The following CCDC7 variants were observed in gnomAD, a reference collection of about 807,000 sequenced individuals.
CCDC7 encodes coiled-coil domain-containing protein 7.
CCDC7 carries 183 observed loss-of-function variants against 196.9 expected under a neutral mutation model. That is an observed-to-expected ratio of 0.93 (90% CI 0.82 to 1.05). CCDC7 has a LOEUF of 1.05. Among genes scored for constraint, CCDC7 ranks in the 50% least tolerant of loss-of-function variants. CCDC7 has a pLI of 0.00. For synonymous variants in CCDC7, 525 were observed against 484.6 expected, an observed-to-expected ratio of 1.08 and a Z score of -1.10; for missense variants, 1,540 against 1,482.2, an observed-to-expected ratio of 1.04 and a Z score of -0.64.
chr10:32,699,574 T>A (rs2078302534), intron 24 of CCDC7, among the ~76,000 whole-genome samples: 1 of 149,218 alleles, frequency 6.7e-6, no homozygotes, highest in African/African-American at 2.6e-5. Context: ...TACCCAGTAA[T>A]GGGAGTGCTG....
intron 18 of CCDC7, among the ~76,000 whole-genome samples, chr10:32,601,224 C>T (rs958622082): frequency 6.6e-6 from 1 of 152,096 alleles, no homozygotes; most frequent in African/African-American, 2.4e-5. Flanking sequence ...AGGCATGTGC[C>T]ACCACACTTG....
intron 21 of CCDC7, among the ~76,000 whole-genome samples, chr10:32,672,539 C>G (rs541488295): frequency 6.6e-6 from 1 of 152,262 alleles, no homozygotes; most frequent in East Asian, 1.9e-4. Flanking sequence ...AGTGGCTTAA[C>G]AGTGCTGATT....
intron 25 of CCDC7, among the ~76,000 whole-genome samples, chr10:32,720,908 A>G (rs2082313199): frequency 6.6e-6 from 1 of 152,138 alleles, no homozygotes; most frequent in Admixed American, 6.6e-5. Flanking sequence ...CCTGGGCAAC[A>G]TGGCAAAACC....
At chr10:32,631,106 A>G (rs902997603) in intron 18 of CCDC7, among the ~76,000 whole-genome samples, 1 of 152,208 alleles carries the variant, frequency 6.6e-6, no homozygotes, top group Admixed American at 6.5e-5. Context: ...ATGTGAGTGA[A>G]TGATGAAACC....
At chr10:32,783,654 G>C (rs1172013433) in intron 29 of CCDC7, among the ~76,000 whole-genome samples, 1 of 152,190 alleles carries the variant, frequency 6.6e-6, no homozygotes, top group Non-Finnish European at 1.5e-5. Flanking sequence ...TCAAGGTGTA[G>C]GTGTAGACCC....
intron 18 of CCDC7, among the ~76,000 whole-genome samples, chr10:32,605,535 A>C (rs184965099): frequency 4.9e-4 from 75 of 152,358 alleles, no homozygotes; most frequent in African/African-American, 1.6e-3. Flanking sequence ...TGGACAGTGA[A>C]GTCCAGGCTG....
Position 32,583,322 on chromosome 10 carries a change from G to A in CCDC7, c.1728+15G>A, listed in dbSNP as rs2058920635. On this transcript the variant is annotated intron_variant, in intron 17 of 41. Transcript: ENST00000639629. ...AAAGTAAAAAGGTATGATATATATA[G>A]AAACTTGAAAGCTGTTTATTTCATA... 2.5e-6 allele frequency: 3 copies of A among 1,217,168 alleles called. No individual in the cohort carries two copies. Among genetic ancestry groups the A allele is most frequent in the Non-Finnish European group, 3.1e-6 (3 of 974,838 alleles). The allele number at this position is 1,217,168 out of a possible 1,614,324, so 75.4% of individuals were successfully genotyped here. A position where few individuals can be genotyped will look rare whatever the true frequency, so the allele number is the denominator to read the frequency against.
At position 32,627,793 on chromosome 10, in the gene CCDC7, C is replaced by T. The variant is rs146437651; in HGVS notation, c.1802-6461C>T. Reference sequence around the variant, plus strand: ...GATCATGTGCTTTTTGTCCTTTAGTCTGTTAATATGATATATCACATTTAT... The same window carrying T: ...GATCATGTGCTTTTTGTCCTTTAGTTTGTTAATATGATATATCACATTTAT... On this transcript the variant is annotated intron_variant, in intron 18 of 41. Transcript: ENST00000639629. 6.6e-5 allele frequency among the ~76,000 whole-genome samples: 10 copies of T among 151,876 alleles called. No individual in the cohort carries two copies. In the East Asian group the frequency reaches 1.9e-3, roughly 29 times the overall value.
chr10:32,729,531 A>T (rs1193097413), intron 28 of CCDC7, 74 bp downstream of exon 29: 7 of 708,818 alleles, frequency 9.9e-6, no homozygotes, highest in Non-Finnish European at 1.5e-5. Context: ...GTTTATAAAT[A>T]TGCCTTCAAC....
intron 24 of CCDC7, among the ~76,000 whole-genome samples, chr10:32,704,134 A>G (rs2079269286): frequency 6.6e-6 from 1 of 151,850 alleles, no homozygotes; most frequent in Admixed American, 6.5e-5. Flanking sequence ...TTTTTTCCCC[A>G]TCTTTGTTAT....
chr10:32,612,524 T>G (rs747897469), intron 18 of CCDC7, among the ~76,000 whole-genome samples: 36 of 152,352 alleles, frequency 2.4e-4, no homozygotes, highest in Non-Finnish European at 4.3e-4. Context: ...CTTTCAGTTT[T>G]TGCCCATTCA....
chr10:32,543,909 G>A (rs1295333063), intron 12 of CCDC7, among the ~76,000 whole-genome samples: 1 of 151,920 alleles, frequency 6.6e-6, no homozygotes, highest in Non-Finnish European at 1.5e-5. Context: ...AGGAAACTAT[G>A]AAGTCAAACT....
At chr10:32,444,160 C>T (rs894194277), upstream of CCDC7, among the ~76,000 whole-genome samples, 1 of 152,120 alleles carries the variant, frequency 6.6e-6, no homozygotes, top group East Asian at 1.9e-4. Flanking sequence ...ATATCCTTGC[C>T]TCCTTCCAAT....
chr10:32,472,505 A>G (rs1158936474), exon 7 of CCDC7: 2 of 1,588,972 alleles, frequency 1.3e-6, no homozygotes, highest in Non-Finnish European at 8.6e-7. Context: ...GACCAGAAGC[A>G]GTGAAAAGTT....
chr10:32,491,622 A>G (rs2042164889), intron 8 of CCDC7, among the ~76,000 whole-genome samples: 1 of 152,168 alleles, frequency 6.6e-6, no homozygotes, highest in African/African-American at 2.4e-5. Flanking sequence ...GATATATAGT[A>G]TTGATCAAGT....
chr10:32,518,036 G>T, intron 10 of CCDC7, 61 bp downstream of exon 11: 1 of 1,506,856 alleles, frequency 6.6e-7, no homozygotes, highest in South Asian at 1.3e-5. Flanking sequence ...ACAGATTCTA[G>T]AAATTGTCAG....
chr10:32,536,332 A>G (rs771859464), intron 11 of CCDC7, among the ~76,000 whole-genome samples: 4 of 151,580 alleles, frequency 2.6e-5, no homozygotes, highest in Non-Finnish European at 4.4e-5. Context: ...CCATCAGAAA[A>G]CAACAAGCAG....
chr10:32,450,850 T>A (rs2032869596), upstream of CCDC7, among the ~76,000 whole-genome samples: 2 of 152,320 alleles, frequency 1.3e-5, no homozygotes, highest in South Asian at 4.1e-4. Flanking sequence ...CTCTCGTTGC[T>A]TCTGGCTTCT....
intron 12 of CCDC7, 28 bp from the exon 14 acceptor site, chr10:32,544,219 A>C: frequency 6.4e-7 from 1 of 1,572,754 alleles, no homozygotes. Flanking sequence ...AAATATCATG[A>C]TGCATTTTAA....
Sources: gnomAD v4.1 joint callset for allele counts (sites outside exome capture counted in the v4.1 genomes callset) on GRCh38, gnomAD v4.1.1 for gene constraint, MANE v1.5 for transcripts, NCBI Gene and HGNC (gene_info 2026-07-23, HGNC 2026-07-21) for gene names.